PRKCA: variants seen among roughly 807,000 people sequenced by gnomAD.
The protein encoded by PRKCA is protein kinase C alpha type.
Under a neutral mutation model 87.0 loss-of-function variants are expected in PRKCA, and 27 were observed. That is an observed-to-expected ratio of 0.31 (90% CI 0.23 to 0.43). The LOEUF is 0.43. Among genes scored for constraint, PRKCA ranks in the 20% least tolerant of loss-of-function variants. The probability of loss-of-function intolerance (pLI) is 1.00; values close to 1 mark genes in which losing one functional copy is unlikely to be tolerated. For missense variants in PRKCA, 518 were observed against 852.3 expected (o/e 0.61, Z 4.88); for synonymous variants, 329 against 311.1 (o/e 1.06, Z -0.61).
intron 8 of PRKCA, among the ~76,000 whole-genome samples, chr17:66,692,780 A>T (rs1378762815): frequency 6.6e-6 from 1 of 152,148 alleles, no homozygotes. Flanking sequence ...CCACTCTTTC[A>T]TAGATACTTT....
At chr17:66,504,974 G>A (rs764388388) in intron 3 of PRKCA, among the ~76,000 whole-genome samples, 1 of 152,114 alleles carries the variant, frequency 6.6e-6, no homozygotes, top group East Asian at 1.9e-4. Flanking sequence ...GAGGAAGCCC[G>A]AGTCCATTTC....
At chr17:66,493,307 G>T (rs1325957804) in intron 2 of PRKCA, among the ~76,000 whole-genome samples, 1 of 151,638 alleles carries the variant, frequency 6.6e-6, no homozygotes, top group Non-Finnish European at 1.5e-5. Flanking sequence ...TTGTGTGTGT[G>T]TGTGTGTGTG....
At chr17:66,778,103 T>C in intron 14 of PRKCA, 1 of 985,442 alleles carries the variant, frequency 1.0e-6, no homozygotes, top group Non-Finnish European at 1.2e-6. Context: ...AGCACCAGGC[T>C]CCAGCTCTCA....
chr17:66,332,858 A>C (rs969423630), intron 2 of PRKCA, among the ~76,000 whole-genome samples: 3 of 151,672 alleles, frequency 2.0e-5, no homozygotes, highest in African/African-American at 4.8e-5. Flanking sequence ...CGCCTGGCTA[A>C]TTTTTTGTAT....
intron 16 of PRKCA, among the ~76,000 whole-genome samples, chr17:66,789,959 C>A (rs1051813538): frequency 2.0e-5 from 3 of 152,232 alleles, no homozygotes; most frequent in Admixed American, 6.5e-5. Context: ...GCGGACTGTG[C>A]CTTCCAGCTC....
intron 13 of PRKCA, among the ~76,000 whole-genome samples, chr17:66,765,432 A>ATCTATATCTATATG (rs1568020958): frequency 1.5e-5 from 2 of 131,212 alleles, no homozygotes; most frequent in African/African-American, 2.9e-5. Flanking sequence ...ATATATATAT[A>ATCTATATCTATATG]TATATATATA....
chr17:66,551,477 C>A (rs146641689), intron 3 of PRKCA, among the ~76,000 whole-genome samples: 8 of 152,244 alleles, frequency 5.3e-5, no homozygotes, highest in African/African-American at 1.9e-4. Context: ...CCTTGATTCT[C>A]GCCATAGGGC....
At position 66,753,369 on chromosome 17, in the gene PRKCA, G is replaced by A. The variant is rs58689013; in HGVS notation, c.1524+10609G>A. 5.4e-3 allele frequency among the ~76,000 whole-genome samples: 826 copies of A among 152,344 alleles called. 9 individuals are homozygous for A. The highest frequency in any genetic ancestry group is 0.019 in the African/African-American group (784 of 41,590). The stretch of plus-strand genomic sequence containing the variant: ...GCCCTGCTGGCGTATGCACTCCTGT[G>A]GCCAGTGGAGGAGTCAGTGGATGGC... On this transcript the variant is annotated intron_variant, in intron 13 of 16. Coordinates refer to ENST00000413366, the MANE Select transcript of PRKCA (RefSeq NM_002737.3).
At position 66,792,586 on chromosome 17, in the gene PRKCA, G is replaced by T. The variant is rs1041346005; in HGVS notation, c.1854+3607G>T. Among the ~76,000 whole-genome samples the T allele has an allele frequency of 6.6e-6, 1 of 152,152 alleles. No homozygotes were observed. Among genetic ancestry groups the T allele is most frequent in the South Asian group, 2.1e-4 (1 of 4,830 alleles). On this transcript the variant is annotated intron_variant, in intron 16 of 16. Transcript: ENST00000413366. This position sits in a 1 kb window ranked among gnomAD's most constrained non-coding sequence, Gnocchi z 4.5. Reference sequence around the variant, plus strand: ...GTGCCATGCAAAATGCGATCCCAGCGCAAAAAGCATCTCACAATGCCGTGA... The same window carrying T: ...GTGCCATGCAAAATGCGATCCCAGCTCAAAAAGCATCTCACAATGCCGTGA...
At chr17:66,303,186 C>T (rs1904610214) in intron 1 of PRKCA, among the ~76,000 whole-genome samples, 162 bp downstream of exon 1, 1 of 152,104 alleles carries the variant, frequency 6.6e-6, no homozygotes, top group South Asian at 2.1e-4. Flanking sequence ...CCGGCCCTGA[C>T]ACCGGCGGGC....
intron 3 of PRKCA, among the ~76,000 whole-genome samples, chr17:66,497,358 G>T (rs1416018577): frequency 6.6e-6 from 1 of 151,994 alleles, no homozygotes; most frequent in African/African-American, 2.4e-5. Context: ...TTAGCTGGGC[G>T]TGGTGGCGCA....
intron 13 of PRKCA, among the ~76,000 whole-genome samples, chr17:66,751,540 A>G (rs1974427331): frequency 6.6e-6 from 1 of 152,258 alleles, no homozygotes; most frequent in Non-Finnish European, 1.5e-5. Flanking sequence ...AGCTCTTACG[A>G]CACAAGTTAT....
intron 3 of PRKCA, among the ~76,000 whole-genome samples, chr17:66,535,608 G>A (rs1967751529): frequency 6.6e-6 from 1 of 152,158 alleles, no homozygotes; most frequent in African/African-American, 2.4e-5. Flanking sequence ...GCTCTCGAGG[G>A]GTTCTGCAGA....
At chr17:66,518,405 A>G (rs1281569083) in intron 3 of PRKCA, among the ~76,000 whole-genome samples, 1 of 152,158 alleles carries the variant, frequency 6.6e-6, no homozygotes, top group Non-Finnish European at 1.5e-5. Flanking sequence ...GTTTCGTAAG[A>G]TATTCTCTGT....
chr17:66,365,473 T>C (rs1908656428), intron 2 of PRKCA, among the ~76,000 whole-genome samples: 2 of 152,184 alleles, frequency 1.3e-5, no homozygotes, highest in Admixed American at 1.3e-4. Flanking sequence ...CTGCCTGAGA[T>C]ATGTTTGACC....
At chr17:66,748,568 G>A (rs936655092) in intron 13 of PRKCA, among the ~76,000 whole-genome samples, 1 of 152,196 alleles carries the variant, frequency 6.6e-6, no homozygotes, top group Non-Finnish European at 1.5e-5. Context: ...AGGTCCAGCA[G>A]ACGGGAGTGG....
Position 66,428,982 on chromosome 17 carries a change from G to A in PRKCA, c.206-67219G>A, listed in dbSNP as rs138775973. On this transcript the variant is annotated intron_variant, in intron 2 of 16. Transcript: ENST00000413366. ...TACATGAAAGTATTAGGTAAAGTTTGAGATAAATTGTCTTATTTTTAAATG... is the reference window on the plus strand; with the variant it reads ...TACATGAAAGTATTAGGTAAAGTTTAAGATAAATTGTCTTATTTTTAAATG... Among the ~76,000 whole-genome samples the A allele has an allele frequency of 7.2e-5, 11 of 152,346 alleles. No homozygotes were observed. The East Asian group carries it at 1.9e-3, about 27-fold the overall frequency.
intron 2 of PRKCA, among the ~76,000 whole-genome samples, chr17:66,474,847 C>T (rs1915474296): frequency 6.6e-6 from 1 of 152,116 alleles, no homozygotes; most frequent in Admixed American, 6.5e-5. Flanking sequence ...TGGATGCTTT[C>T]ACCAGTATTC....
chr17:66,366,751 A>G (rs2143509657), intron 2 of PRKCA, among the ~76,000 whole-genome samples: 1 of 152,288 alleles, frequency 6.6e-6, no homozygotes. Flanking sequence ...AGGATGAGAC[A>G]TTTTTACTCC....
Sources: gnomAD v4.1 joint callset for allele counts (sites outside exome capture counted in the v4.1 genomes callset) on GRCh38, gnomAD v4.1.1 for gene constraint, Gnocchi (gnomAD v3.1) non-coding constraint, MANE v1.5 for transcripts, NCBI Gene and HGNC (gene_info 2026-07-23, HGNC 2026-07-21) for gene names.